The following CACNA1S variants were observed in gnomAD, a reference collection of about 807,000 sequenced individuals.
CACNA1S encodes voltage-dependent L-type calcium channel subunit alpha-1S.
CACNA1S carries 126 observed loss-of-function variants against 207.4 expected under a neutral mutation model. That is an observed-to-expected ratio of 0.61 (90% CI 0.53 to 0.70). The LOEUF (loss-of-function observed/expected upper bound fraction) is 0.70. Ranked by LOEUF, CACNA1S falls within the 30% of genes least tolerant of loss-of-function variation. The pLI, the probability that CACNA1S is intolerant of heterozygous loss-of-function variation, is 0.00. For missense variants in CACNA1S, 2,349 were observed against 2,422.8 expected, an observed-to-expected ratio of 0.97 and a Z score of 0.64; for synonymous variants, 960 against 932.7, an observed-to-expected ratio of 1.03 and a Z score of -0.53.
intron 2 of CACNA1S, among the ~76,000 whole-genome samples, chr1:201,097,857 C>T (rs1399755931): frequency 1.3e-5 from 2 of 152,116 alleles, no homozygotes; most frequent in Non-Finnish European, 2.9e-5. Flanking sequence ...ACATATGGTC[C>T]CCCGACACAG....
chr1:201,058,464 A>G lies in CACNA1S; in HGVS notation c.3553T>C (p.Phe1185Leu). ...CTGCCAATGACAATCAGGAAGTCAA[A>G]CACATTCCAGGGGTCTCCAAAGTAG... ...RGYFGDPWNV[F>L]DFLIVIGSII... Residue 1185 changes from phenylalanine to leucine, a missense_variant, in exon 28 of 44, where the codon TTT becomes CTT. Physicochemically the swap from Phe to Leu is conservative, Grantham distance 22 (BLOSUM62 0). Coordinates refer to ENST00000362061, the MANE Select transcript of CACNA1S (RefSeq NM_000069.3). 6.2e-7 allele frequency: 1 copy of G among 1,614,196 alleles called. No homozygotes were observed. The highest frequency in any genetic ancestry group is 8.5e-7 in the Non-Finnish European group (1 of 1,179,998).
chr1:201,052,910 G>A (rs1417186883), intron 31 of CACNA1S, among the ~76,000 whole-genome samples: 2 of 152,060 alleles, frequency 1.3e-5, no homozygotes, highest in Non-Finnish European at 2.9e-5. Flanking sequence ...GTCAATGTGT[G>A]GGGGAAGTGC....
chr1:201,052,451 C>A (rs1660686771), intron 32 of CACNA1S, 106 bp downstream of exon 32: 6 of 847,386 alleles, frequency 7.1e-6, no homozygotes, highest in Non-Finnish European at 1.2e-5. Flanking sequence ...TGTGGCTGCA[C>A]AGGTCACACA....
intron 6 of CACNA1S, among the ~76,000 whole-genome samples, chr1:201,088,917 C>G (rs1432917583): frequency 1.3e-5 from 2 of 152,224 alleles, no homozygotes; most frequent in Admixed American, 1.3e-4. Flanking sequence ...GAAAAAGACT[C>G]AAAGGGCCCT....
At chr1:201,105,323 C>T (rs1352168604) in intron 2 of CACNA1S, among the ~76,000 whole-genome samples, 1 of 152,186 alleles carries the variant, frequency 6.6e-6, no homozygotes, top group African/African-American at 2.4e-5. Context: ...ATCAAAGTTC[C>T]TTCTGTTGAT....
intron 9 of CACNA1S, 27 bp downstream of exon 9, chr1:201,084,923 T>C (rs1190875447): frequency 1.9e-6 from 3 of 1,538,772 alleles, no homozygotes; most frequent in Non-Finnish European, 1.8e-6. Flanking sequence ...GGGTTGGGGG[T>C]TCCTGGGGCA....
chr1:201,076,492 G>A (rs752147089), intron 12 of CACNA1S, among the ~76,000 whole-genome samples: 2 of 152,348 alleles, frequency 1.3e-5, no homozygotes, highest in Non-Finnish European at 2.9e-5. Context: ...ATAGTGAATC[G>A]GCTGTGCCGC....
At chr1:201,054,189 ATG>A (rs1660752721) in intron 29 of CACNA1S, among the ~76,000 whole-genome samples, 2 of 152,200 alleles carry the variant, frequency 1.3e-5, no homozygotes, top group Non-Finnish European at 2.9e-5. Context: ...CTTGTGCCCA[ATG>A]AACTGTCACT....
chr1:201,097,772 G>C (rs1264103652), intron 2 of CACNA1S, among the ~76,000 whole-genome samples: 5 of 152,096 alleles, frequency 3.3e-5, no homozygotes, highest in Middle Eastern at 3.4e-3. Flanking sequence ...AGTTGCTGCT[G>C]GTGGTGGGTG....
intron 16 of CACNA1S, 90 bp from the exon 17 acceptor site, chr1:201,070,494 G>A (rs1269541439): frequency 6.4e-7 from 1 of 1,573,496 alleles, no homozygotes; most frequent in African/African-American, 1.3e-5. Flanking sequence ...AGGAGCCCCT[G>A]CAGCCAGTAA....
chr1:201,095,121 GGT>G (rs55654000), intron 2 of CACNA1S, among the ~76,000 whole-genome samples: 112 of 148,948 alleles, frequency 7.5e-4, no homozygotes, highest in Non-Finnish European at 1.3e-3. Context: ...AGCTCCAGGA[GGT>G]GTGTGTGTGT....
At chr1:201,094,068 G>A in intron 2 of CACNA1S, 47 bp from the exon 3 acceptor site, 2 of 1,612,076 alleles carry the variant, frequency 1.2e-6, no homozygotes, top group Non-Finnish European at 1.7e-6. Context: ...CTCTCTGAGT[G>A]CACCCTTGCT....
chr1:201,081,440 A>G (rs7539618), intron 10 of CACNA1S, among the ~76,000 whole-genome samples: 9,702 of 152,090 alleles, frequency 0.064, 406 homozygotes, highest in East Asian at 0.19. Context: ...CTCGTATCCT[A>G]CTCGTCTCAC....
At chr1:201,072,101 C>T (rs1661451520) in intron 16 of CACNA1S, among the ~76,000 whole-genome samples, 1 of 152,154 alleles carries the variant, frequency 6.6e-6, no homozygotes, top group African/African-American at 2.4e-5. Context: ...GTTCTTGGGC[C>T]CCAGGGCTCT....
At chr1:201,089,207 C>A (rs775683640) in intron 6 of CACNA1S, 51 bp downstream of exon 6, 6 of 1,579,678 alleles carry the variant, frequency 3.8e-6, no homozygotes, top group Non-Finnish European at 5.2e-6. Context: ...CACTCCCTTG[C>A]AAGCCTGTGG....
At chr1:201,041,933 G>A (rs1217665143) in intron 40 of CACNA1S, 1 of 387,882 alleles carries the variant, frequency 2.6e-6, no homozygotes, top group South Asian at 2.2e-5. Flanking sequence ...GGAGCTCAAA[G>A]GTGAGTGGTG....
intron 24 of CACNA1S, 33 bp downstream of exon 24, chr1:201,061,911 C>G (rs368587087): frequency 6.2e-7 from 1 of 1,613,436 alleles, no homozygotes. Context: ...CTGACCATGT[C>G]CATGAGGGAC....
intron 16 of CACNA1S, 90 bp from the exon 17 acceptor site, chr1:201,070,494 G>C (rs1269541439): frequency 9.5e-6 from 15 of 1,573,618 alleles, no homozygotes; most frequent in East Asian, 2.2e-5. Context: ...AGGAGCCCCT[G>C]CAGCCAGTAA....
rs1240853764 is a variant in CACNA1S, at chr1:201,053,095, G to A, written c.3861+114C>T. 9.3e-6 allele frequency: 11 copies of A among 1,184,848 alleles called. No homozygotes were observed. In the East Asian group the frequency reaches 2.6e-4, roughly 28 times the overall value. The allele number at this position is 1,184,848 out of a possible 1,614,324, so 73.4% of individuals were successfully genotyped here. A position where few individuals can be genotyped will look rare whatever the true frequency, so the allele number is the denominator to read the frequency against. ...TCCCTCCTTCTTTCTCACGAGCAAG[G>A]CAGGGAGGGCGGAGGGTCCAGCCCG... On this transcript the variant is annotated intron_variant, in intron 31 of 43. Coordinates refer to ENST00000362061, the MANE Select transcript of CACNA1S (RefSeq NM_000069.3). This position sits in a 1 kb window ranked among gnomAD's most constrained non-coding sequence, Gnocchi z 5.1.
Sources: gnomAD v4.1 joint callset for allele counts (sites outside exome capture counted in the v4.1 genomes callset) on GRCh38, gnomAD v4.1.1 for gene constraint, Gnocchi (gnomAD v3.1) non-coding constraint, MANE v1.5 for transcripts, NCBI Gene and HGNC (gene_info 2026-07-23, HGNC 2026-07-21) for gene names.